The following CTNNA3 variants were observed in gnomAD, a reference collection of about 807,000 sequenced individuals.
CTNNA3 encodes catenin alpha 3.
A neutral mutation model predicts 95.7 loss-of-function variants in CTNNA3; 76 were observed. The observed-to-expected ratio is 0.79, with a 90% CI of 0.66 to 0.96. The LOEUF (loss-of-function observed/expected upper bound fraction) is 0.96, where lower values mean the gene tolerates loss of function less well. Among genes scored for constraint, CTNNA3 ranks in the 40% least tolerant of loss-of-function variants. The pLI, the probability that CTNNA3 is intolerant of heterozygous loss-of-function variation, is 0.00. For synonymous variants in CTNNA3, 431 were observed against 374.4 expected, an observed-to-expected ratio of 1.15 and a Z score of -1.74; for missense variants, 1,191 against 1,089.8, an observed-to-expected ratio of 1.09 and a Z score of -1.31.
At chr10:66,671,376 T>C (rs1055282533) in intron 9 of CTNNA3, among the ~76,000 whole-genome samples, 2 of 152,122 alleles carry the variant, frequency 1.3e-5, no homozygotes, top group Non-Finnish European at 1.5e-5. Context: ...GTTACTCCTT[T>C]GAAGATTTAT....
At chr10:66,001,615 T>TAG (rs1169668819) in intron 15 of CTNNA3, among the ~76,000 whole-genome samples, 2 of 152,164 alleles carry the variant, frequency 1.3e-5, no homozygotes, top group Non-Finnish European at 2.9e-5. Flanking sequence ...TGGTAAGGAA[T>TAG]AGAAAATCAA....
At chr10:66,465,598 G>A (rs181659665) in intron 11 of CTNNA3, among the ~76,000 whole-genome samples, 2 of 152,162 alleles carry the variant, frequency 1.3e-5, no homozygotes, top group Admixed American at 1.3e-4. Context: ...AATTTTTACA[G>A]CCAAATCTCA....
chr10:66,379,752 A>G (rs1380107414), intron 11 of CTNNA3, among the ~76,000 whole-genome samples: 4 of 152,338 alleles, frequency 2.6e-5, no homozygotes, highest in African/African-American at 4.8e-5. Flanking sequence ...TTATATATAC[A>G]TAAGTCTTTT....
chr10:67,493,590 A>G (rs959599010), intron 5 of CTNNA3, among the ~76,000 whole-genome samples: 1 of 150,878 alleles, frequency 6.6e-6, no homozygotes, highest in Non-Finnish European at 1.5e-5. Context: ...TTGATTTTAT[A>G]TGCTTAACAT....
chr10:66,350,366 G>T (rs1387384101), intron 12 of CTNNA3, among the ~76,000 whole-genome samples: 1 of 152,076 alleles, frequency 6.6e-6, no homozygotes, highest in African/African-American at 2.4e-5. Context: ...CTGAGAAAGA[G>T]AAATTTTGAT....
chr10:67,020,790 G>A (rs1319524222), intron 7 of CTNNA3, among the ~76,000 whole-genome samples: 1 of 152,158 alleles, frequency 6.6e-6, no homozygotes, highest in Non-Finnish European at 1.5e-5. Flanking sequence ...GTTTCAGAAA[G>A]GTGTAGTATT....
intron 17 of CTNNA3, among the ~76,000 whole-genome samples, chr10:65,943,883 A>G (rs2077469250): frequency 6.6e-6 from 1 of 152,224 alleles, no homozygotes; most frequent in African/African-American, 2.4e-5. Context: ...GAGATGTTGT[A>G]TATAAAACAT....
chr10:67,393,981 A>G (rs1015658379), intron 5 of CTNNA3, among the ~76,000 whole-genome samples: 5 of 152,194 alleles, frequency 3.3e-5, no homozygotes, highest in Non-Finnish European at 1.5e-5. Flanking sequence ...TCATCAGGCA[A>G]GAAATTAAAC....
At chr10:66,150,635 G>T (rs1170851718) in intron 13 of CTNNA3, among the ~76,000 whole-genome samples, 46 of 151,896 alleles carry the variant, frequency 3.0e-4, no homozygotes, top group Admixed American at 3.0e-3. Flanking sequence ...TCATTTCCTT[G>T]TGTTGGGGTC....
chr10:67,060,232 T>G (rs1855683558), intron 7 of CTNNA3, among the ~76,000 whole-genome samples: 1 of 151,988 alleles, frequency 6.6e-6, no homozygotes, highest in African/African-American at 2.4e-5. Flanking sequence ...ATGGGAGGAT[T>G]AATTGGGCCT....
At chr10:67,208,677 A>G (rs939196980) in intron 6 of CTNNA3, among the ~76,000 whole-genome samples, 3 of 152,194 alleles carry the variant, frequency 2.0e-5, no homozygotes, top group African/African-American at 7.2e-5. Flanking sequence ...CGTCTGGAAA[A>G]TATATACCAA....
intron 10 of CTNNA3, among the ~76,000 whole-genome samples, chr10:66,565,603 GAA>G (rs1283013859): frequency 6.6e-6 from 1 of 152,198 alleles, no homozygotes; most frequent in African/African-American, 2.4e-5. Context: ...ACAGCAGGTT[GAA>G]GGATGGCAGG....
chr10:66,986,233 C>G (rs905381502), intron 7 of CTNNA3, among the ~76,000 whole-genome samples: 2 of 152,076 alleles, frequency 1.3e-5, no homozygotes, highest in Non-Finnish European at 2.9e-5. Context: ...CATGGTGGCT[C>G]GTACCTGTAA....
chr10:67,079,693 C>CA (rs1268613207), intron 7 of CTNNA3, among the ~76,000 whole-genome samples: 3 of 151,896 alleles, frequency 2.0e-5, no homozygotes, highest in Admixed American at 2.0e-4. Context: ...ACTAAAAATG[C>CA]AAAAACTAGC....
intron 7 of CTNNA3, among the ~76,000 whole-genome samples, chr10:67,150,971 G>T (rs772340098): frequency 7.9e-5 from 12 of 152,106 alleles, no homozygotes; most frequent in Non-Finnish European, 1.5e-4. Context: ...CTGAGTTCCA[G>T]CTCTACACAC....
chr10:67,752,120 C>T (rs1201195428), intron 1 of CTNNA3, among the ~76,000 whole-genome samples: 1 of 152,160 alleles, frequency 6.6e-6, no homozygotes, highest in East Asian at 1.9e-4. Context: ...AAAAGGTTAT[C>T]CACTATGATC....
intron 5 of CTNNA3, among the ~76,000 whole-genome samples, chr10:67,285,857 C>A (rs1839578241): frequency 1.3e-5 from 2 of 152,038 alleles, no homozygotes; most frequent in Admixed American, 1.3e-4. Context: ...GGACTCAATG[C>A]AAAGTAAGAA....
intron 5 of CTNNA3, among the ~76,000 whole-genome samples, chr10:67,328,106 C>T (rs1473936590): frequency 6.6e-6 from 1 of 151,982 alleles, no homozygotes; most frequent in Admixed American, 6.5e-5. Flanking sequence ...TGCTGATGGT[C>T]AAGAAAAGCA....
At chr10:66,493,078 G>A (rs1839979326) in intron 11 of CTNNA3, among the ~76,000 whole-genome samples, 1 of 152,134 alleles carries the variant, frequency 6.6e-6, no homozygotes, top group Admixed American at 6.5e-5. Context: ...GGGAAATGTA[G>A]TGAGAATATT....
Sources: allele counts gnomAD v4.1 joint callset (sites outside exome capture counted in the v4.1 genomes callset), GRCh38; gene constraint gnomAD v4.1.1; transcripts MANE v1.5; gene names NCBI Gene and HGNC (gene_info 2026-07-23, HGNC 2026-07-21).